Variants in CWH43 observed in about 807,000 individuals in gnomAD.
CWH43 encodes cell wall biogenesis 43 C-terminal homolog.
A neutral mutation model predicts 85.7 loss-of-function variants in CWH43; 91 were observed. The ratio of observed to expected loss-of-function variants is 1.06; its 90% CI spans 0.90 to 1.26. The LOEUF is 1.26. CWH43 is among the 50% of genes most tolerant of loss of function. CWH43 has a pLI of 0.00. For missense variants in CWH43, 869 were observed against 839.2 expected (o/e 1.04, Z -0.44); for synonymous variants, 323 against 293.6 (o/e 1.10, Z -1.02).
At chr4:48,988,413 G>C (rs1560482393) in intron 1 of CWH43, 64 bp from the exon 2 acceptor site, 2 of 1,321,250 alleles carry the variant, frequency 1.5e-6, no homozygotes, top group Non-Finnish European at 2.1e-6. Flanking sequence ...TGGAGGGACA[G>C]GACTGTCGTT....
chr4:49,018,166 A>G (rs1332941683), intron 9 of CWH43, among the ~76,000 whole-genome samples: 2 of 152,114 alleles, frequency 1.3e-5, no homozygotes, highest in East Asian at 3.9e-4. Context: ...AGATCTCATG[A>G]GAACTCACTC....
At chr4:49,055,166 A>G (rs2109846590) in intron 15 of CWH43, among the ~76,000 whole-genome samples, 1 of 152,144 alleles carries the variant, frequency 6.6e-6, no homozygotes, top group South Asian at 2.1e-4. Context: ...CTTTGTTATG[A>G]TGAGGTCTAT....
chr4:49,050,212 T>A (rs973518001), intron 14 of CWH43, among the ~76,000 whole-genome samples: 1 of 152,214 alleles, frequency 6.6e-6, no homozygotes, highest in Non-Finnish European at 1.5e-5. Context: ...GTGCATTGAA[T>A]TTCCCCAGGA....
chr4:49,041,225 G>C (rs1295971277), intron 13 of CWH43, among the ~76,000 whole-genome samples: 1 of 152,098 alleles, frequency 6.6e-6, no homozygotes, highest in Admixed American at 6.6e-5. Flanking sequence ...TTGGCAATGC[G>C]GGCTCTTTTT....
rs1577698268 is a variant in CWH43 at position 49,039,096 on chromosome 4, A to C, written c.1803+916A>C. On this transcript the variant is annotated intron_variant, in intron 13 of 15. Transcript: ENST00000226432. Reference sequence around the variant, plus strand: ...AATAAATTAAATAAATAAATAAATAAATAATAAATAAATAAAAATTAAAAA... The same window carrying C: ...AATAAATTAAATAAATAAATAAATACATAATAAATAAATAAAAATTAAAAA... Among the ~76,000 whole-genome samples the C allele has an allele frequency of 2.8e-5, 4 of 142,646 alleles. No individual in the cohort carries two copies. The Admixed American group carries it at 2.9e-4, about 10-fold the overall frequency. The allele number at this position is 142,646 out of a possible 152,430, so 93.6% of individuals were successfully genotyped here.
intron 6 of CWH43, among the ~76,000 whole-genome samples, chr4:49,001,725 A>C (rs1307182542): frequency 2.6e-5 from 4 of 152,140 alleles, no homozygotes; most frequent in Non-Finnish European, 5.9e-5. Flanking sequence ...ATAGAAATAA[A>C]AATGATAACA....
chr4:49,048,706 C>T (rs1042471241), intron 14 of CWH43, among the ~76,000 whole-genome samples: 2 of 151,850 alleles, frequency 1.3e-5, no homozygotes, highest in Non-Finnish European at 2.9e-5. Context: ...TAGGATCAGG[C>T]CCCCCCTGCA....
At chr4:49,047,913 A>G (rs1316051963) in intron 14 of CWH43, among the ~76,000 whole-genome samples, 11 of 152,232 alleles carry the variant, frequency 7.2e-5, no homozygotes, top group Non-Finnish European at 1.3e-4. Flanking sequence ...ACTAACTCAG[A>G]AACTCTAAAA....
At chr4:49,007,071 T>G (rs2109766305) in intron 7 of CWH43, 130 bp from the exon 8 acceptor site, 1 of 1,039,340 alleles carries the variant, frequency 9.6e-7, no homozygotes, top group Non-Finnish European at 1.3e-6. Context: ...GTTTAGGTTC[T>G]GAGATAAATT....
intron 12 of CWH43, among the ~76,000 whole-genome samples, chr4:49,035,033 G>A (rs1488927797): frequency 1.3e-5 from 2 of 152,160 alleles, no homozygotes; most frequent in African/African-American, 4.8e-5. Flanking sequence ...CCACTGCTCT[G>A]AGCCACTCCC....
At chr4:49,060,607 C>T (rs1785122732) in intron 15 of CWH43, among the ~76,000 whole-genome samples, 1 of 152,136 alleles carries the variant, frequency 6.6e-6, no homozygotes, top group African/African-American at 2.4e-5. Flanking sequence ...TACTATGCTA[C>T]CTAGTCTTGG....
intron 15 of CWH43, among the ~76,000 whole-genome samples, chr4:49,051,199 A>G (rs1158398581): frequency 6.6e-6 from 1 of 152,178 alleles, no homozygotes; most frequent in Non-Finnish European, 1.5e-5. Flanking sequence ...TGTTGTCTCA[A>G]TTAATCCTTA....
At chr4:49,028,802 T>C in intron 10 of CWH43, 68 bp downstream of exon 10, 1 of 1,032,808 alleles carries the variant, frequency 9.7e-7, no homozygotes, top group Non-Finnish European at 1.5e-6. Context: ...TTCAGCAGGG[T>C]CATAAGCCAT....
At chr4:49,037,569 C>CAA (rs5858140) in intron 12 of CWH43, among the ~76,000 whole-genome samples, 1,978 of 142,212 alleles carry the variant, frequency 0.014, 15 homozygotes, top group Non-Finnish European at 0.018. Context: ...GACTCTGTCT[C>CAA]AAAAAAAAAA....
chr4:49,026,758 T>C (rs1436613978), intron 9 of CWH43, among the ~76,000 whole-genome samples: 2 of 152,224 alleles, frequency 1.3e-5, no homozygotes, highest in Non-Finnish European at 2.9e-5. Flanking sequence ...GGTGTACATA[T>C]ATACTACATT....
At chr4:48,998,315 C>A in intron 5 of CWH43, 145 bp from the exon 6 acceptor site, 1 of 605,568 alleles carries the variant, frequency 1.7e-6, no homozygotes, top group East Asian at 2.8e-5. Context: ...TATTGGCTTC[C>A]AGTGGGCTCT....
At chr4:49,041,060 G>A (rs1422750508) in intron 13 of CWH43, among the ~76,000 whole-genome samples, 1 of 152,098 alleles carries the variant, frequency 6.6e-6, no homozygotes, top group African/African-American at 2.4e-5. Flanking sequence ...TTGTAAATAT[G>A]TGGCATTATT....
intron 4 of CWH43, among the ~76,000 whole-genome samples, chr4:48,994,412 C>G (rs535632992): frequency 6.6e-6 from 1 of 152,334 alleles, no homozygotes; most frequent in Admixed American, 6.5e-5. Flanking sequence ...TAAACCATTC[C>G]TTATCTGGCC....
In CWH43 at chr4:49,038,038, A is replaced by G. The variant is rs375008271; in HGVS notation, c.1661A>G (p.Asp554Gly). Residue 554 changes from aspartate (D) to glycine (G), a missense_variant and splice_region_variant, in exon 13 of 16, where the codon GAT becomes GGT. By Grantham distance (94) the Asp-to-Gly change is moderately conservative. Coordinates refer to ENST00000226432, the MANE Select transcript of CWH43 (RefSeq NM_025087.3). ...GGTCATATTTTTACATTTTTTAGAG[A>G]TGACCTCGACAGGAAACTGCAGGCT... is the stretch of plus-strand genomic sequence containing the variant. ...FVVTHFGNHE[D>G]DLDRKLQAIA... 8.2e-6 allele frequency: 13 copies of G among 1,593,156 alleles called. No homozygotes were observed. Among genetic ancestry groups the G allele is most frequent in the East Asian group, 2.2e-5 (1 of 44,762 alleles).
Sources: gnomAD v4.1 joint callset for allele counts (sites outside exome capture counted in the v4.1 genomes callset) on GRCh38, gnomAD v4.1.1 for gene constraint, MANE v1.5 for transcripts, NCBI Gene and HGNC (gene_info 2026-07-23, HGNC 2026-07-21) for gene names.